The following COL6A6 variants were observed in gnomAD, a reference collection of about 807,000 sequenced individuals.
COL6A6 encodes collagen alpha-6(VI) chain.
A neutral mutation model predicts 208.6 loss-of-function variants in COL6A6; 183 were observed. The observed-to-expected ratio is 0.88, with a 90% confidence interval of 0.78 to 0.99. The LOEUF is 0.99. Among genes scored for constraint, COL6A6 ranks in the 50% least tolerant of loss-of-function variants. COL6A6 has a pLI of 0.00. For missense variants in COL6A6, 2,816 were observed against 2,815.2 expected (o/e 1.00, Z -0.01); for synonymous variants, 973 against 1,011.8 (o/e 0.96, Z 0.73).
At position 130,661,880 on chromosome 3, in the gene COL6A6, A is replaced by C. The variant is rs371177795; in HGVS notation, c.6074A>C (p.Gln2025Pro). 9 of 1,613,850 alleles carry C rather than the reference A, an allele frequency of 5.6e-6. No individual in the cohort carries two copies. In the African/African-American group the frequency reaches 9.3e-5, roughly 17 times the overall value. The change falls in exon 35 of 37, where the codon CAG (glutamine) becomes CCG (proline). Residue 2025 changes from glutamine (Q) to proline (P), a missense_variant. Gln to Pro is a moderately conservative substitution (Grantham distance 76, BLOSUM62 -1). Coordinates refer to ENST00000358511, the MANE Select transcript of COL6A6 (RefSeq NM_001102608.3). ...HAPPDFLPNT[Q>P]KSPVRAEFNL... ...CCCCCCGACTTCCTACCCAACACTC[A>C]GAAGAGTCCAGTTAGAGCTGAGTTC...
chr3:130,606,714 C>T (rs2064192651), intron 20 of COL6A6, among the ~76,000 whole-genome samples: 1 of 152,144 alleles, frequency 6.6e-6, no homozygotes. Context: ...TTTCTATTGT[C>T]AGTTATTTCA....
intron 1 of COL6A6, among the ~76,000 whole-genome samples, chr3:130,536,932 A>G (rs2062239695): frequency 6.6e-6 from 1 of 152,226 alleles, no homozygotes. Flanking sequence ...ATTAAGGTGG[A>G]AGTAAAAAAG....
At chr3:130,525,675 C>T (rs1027642498) in intron 1 of COL6A6, among the ~76,000 whole-genome samples, 1 of 152,118 alleles carries the variant, frequency 6.6e-6, no homozygotes, top group Non-Finnish European at 1.5e-5. Flanking sequence ...CTGTGAATGG[C>T]CTGGACTCTT....
intron 1 of COL6A6, among the ~76,000 whole-genome samples, chr3:130,523,194 A>T (rs374011900): frequency 6.6e-6 from 1 of 152,034 alleles, no homozygotes. Flanking sequence ...ACCTAAAACC[A>T]TATTCTCCAG....
Position 130,592,561 on chromosome 3 carries a change from A to G in COL6A6, c.4293A>G (p.Gly1431=). 1 of 1,608,978 alleles carries G rather than the reference A, an allele frequency of 6.2e-7. No individual in the cohort carries two copies. The highest frequency in any genetic ancestry group is 8.5e-7 in the Non-Finnish European group (1 of 1,176,864). The change falls in exon 14 of 37, where the codon GGA becomes GGG. Residue 1431 remains glycine (G), a synonymous_variant. Transcript: ENST00000358511. ...EGIAGERGAP[G]PVGEQGTKGC... The stretch of plus-strand genomic sequence containing the variant: ...CTCAGGGAGAAAGAGGAGCCCCTGG[A>G]CCAGTGGGAGAGCAAGGTACTAAGG...
In COL6A6 at chr3:130,592,603, AG is replaced by A. The variant is rs777392817; in HGVS notation, c.4337del (p.Gly1446ValfsTer8). Reference sequence around the variant, plus strand: ...GTACTAAGGGATGCTATGGCACCAAAGGTCCTAAGGTAAGGATTGCATAAGA... The same window carrying A: ...GTACTAAGGGATGCTATGGCACCAAAGTCCTAAGGTAAGGATTGCATAAGA... ...QGTKGCYGTK[G>X]PKGNRGLNGQ... On this transcript the variant is annotated frameshift_variant, in exon 14 of 37. Coordinates refer to ENST00000358511, the MANE Select transcript of COL6A6 (RefSeq NM_001102608.3). LOFTEE classifies it high-confidence loss of function. 2.5e-6 allele frequency: 4 copies of A among 1,613,462 alleles called. No individual in the cohort carries two copies. The highest frequency in any genetic ancestry group is 3.4e-6 in the Non-Finnish European group (4 of 1,179,510).
Position 130,594,362 on chromosome 3 carries a change from A to G in COL6A6, c.4533+19A>G. 6.2e-7 allele frequency: 1 copy of G among 1,605,222 alleles called. No homozygotes were observed. Among genetic ancestry groups the G allele is most frequent in the South Asian group, 1.1e-5 (1 of 89,840 alleles). Reference sequence around the variant, plus strand: ...GGATCCCGTAAGTGCACGGGCTGCAAACTGGAGTTAGGGCTTGATTCCCAT... The same window carrying G: ...GGATCCCGTAAGTGCACGGGCTGCAGACTGGAGTTAGGGCTTGATTCCCAT... On this transcript the variant is annotated intron_variant, in intron 18 of 36. Transcript: ENST00000358511.
rs1042576327 is a variant in COL6A6, at chr3:130,571,237, A to G, written c.2821A>G (p.Ile941Val). The G allele has an allele frequency of 6.2e-7, 1 of 1,614,056 alleles. No homozygotes were observed. The highest frequency in any genetic ancestry group is 8.5e-7 in the Non-Finnish European group (1 of 1,179,888). ...ATAKALRDKG[I>V]LVLAVGIDGA... ...GGCAAAGGCCTTGCGGGACAAAGGC[A>G]TTCTTGTCCTGGCTGTGGGGATTGA... The change falls in exon 7 of 37, where the codon ATT becomes GTT. Residue 941 changes from isoleucine (I) to valine (V), a missense_variant. Ile to Val is a conservative substitution (Grantham distance 29, BLOSUM62 3). Coordinates refer to ENST00000358511, the MANE Select transcript of COL6A6 (RefSeq NM_001102608.3).
At chr3:130,553,633 T>TG (rs1300424304) in intron 1 of COL6A6, among the ~76,000 whole-genome samples, 12 of 149,020 alleles carry the variant, frequency 8.1e-5, no homozygotes, top group African/African-American at 2.5e-4. Context: ...ATCCATACTC[T>TG]GGGTTTTTTT....
At chr3:130,581,349 T>G (rs551175599) in intron 8 of COL6A6, among the ~76,000 whole-genome samples, 2 of 152,364 alleles carry the variant, frequency 1.3e-5, no homozygotes, top group African/African-American at 4.8e-5. Context: ...TCAGATTTTA[T>G]ATGACCTGAA....
At chr3:130,569,822 C>T (rs565984418) in intron 6 of COL6A6, among the ~76,000 whole-genome samples, 4 of 152,284 alleles carry the variant, frequency 2.6e-5, no homozygotes, top group African/African-American at 9.6e-5. Context: ...GTTGATGGCC[C>T]TGTACACATG....
At chr3:130,634,836 T>C (rs1313683405) in intron 27 of COL6A6, among the ~76,000 whole-genome samples, 1 of 152,226 alleles carries the variant, frequency 6.6e-6, no homozygotes, top group Admixed American at 6.5e-5. Flanking sequence ...GTATTTCTAG[T>C]TTTTTAATTA....
Position 130,635,701 on chromosome 3 carries a change from T to C in COL6A6, c.5031T>C (p.Gly1677=). ...TTTACTTTAATAAATGTATTTAGGG[T>C]GAGATTGGGGACCCTGGTGGTCCAG... ...EGFPGESGPK[G]EIGDPGGPGE... Residue 1677 remains glycine (G), a splice_region_variant and synonymous_variant, in exon 28 of 37, where the codon GGT becomes GGC. Transcript: ENST00000358511. The C allele has an allele frequency of 6.3e-7, 1 of 1,598,284 alleles. No individual in the cohort carries two copies. Among genetic ancestry groups the C allele is most frequent in the Non-Finnish European group, 8.6e-7 (1 of 1,166,288 alleles).
chr3:130,529,728 T>A (rs139767194), intron 1 of COL6A6, among the ~76,000 whole-genome samples: 132 of 152,298 alleles, frequency 8.7e-4, no homozygotes, highest in African/African-American at 2.9e-3. Context: ...GCACCTGTAG[T>A]CCTTAGTGAG....
At chr3:130,540,725 T>C (rs2062343193) in intron 1 of COL6A6, among the ~76,000 whole-genome samples, 1 of 152,198 alleles carries the variant, frequency 6.6e-6, no homozygotes, top group African/African-American at 2.4e-5. Flanking sequence ...TTCTCATCGT[T>C]CAGCTCCTAC....
chr3:130,568,327 G>T lies in COL6A6; in HGVS notation c.2124G>T (p.Val708=), dbSNP rs772833183. ...TGACTGGTAGTGCCCTGAGCTTTGT[G>T]TCTCAGTACTTCAGCCCCACCAAGG... ...TTLTGSALSF[V]SQYFSPTKGA... Residue 708 remains valine (V), a synonymous_variant, in exon 6 of 37, where the codon GTG becomes GTT. Coordinates refer to ENST00000358511, the MANE Select transcript of COL6A6 (RefSeq NM_001102608.3). 2 of 1,614,008 alleles carry T rather than the reference G, an allele frequency of 1.2e-6. No individual in the cohort carries two copies. Among genetic ancestry groups the T allele is most frequent in the Non-Finnish European group, 1.7e-6 (2 of 1,179,892 alleles).
intron 11 of COL6A6, 40 bp from the exon 12 acceptor site, chr3:130,589,050 A>T: frequency 6.7e-7 from 1 of 1,501,454 alleles, no homozygotes; most frequent in Non-Finnish European, 9.3e-7. Context: ...TTTGGGAAGC[A>T]ATACCACCAA....
intron 11 of COL6A6, among the ~76,000 whole-genome samples, chr3:130,587,991 C>G (rs527432801): frequency 9.9e-5 from 15 of 152,116 alleles, no homozygotes; most frequent in Non-Finnish European, 1.8e-4. Flanking sequence ...ACAAGAAAAA[C>G]TTAATCATAG....
At chr3:130,643,339 T>A (rs1053321706) in intron 31 of COL6A6, among the ~76,000 whole-genome samples, 1 of 152,188 alleles carries the variant, frequency 6.6e-6, no homozygotes, top group Non-Finnish European at 1.5e-5. Context: ...TTTTAAAAGA[T>A]GATTATTAAT....
Sources: gnomAD v4.1 joint callset for allele counts (sites outside exome capture counted in the v4.1 genomes callset) on GRCh38, gnomAD v4.1.1 for gene constraint, MANE v1.5 for transcripts, NCBI Gene and HGNC (gene_info 2026-07-23, HGNC 2026-07-21) for gene names.